The following BNC2 variants were observed in gnomAD, a reference collection of about 807,000 sequenced individuals.
BNC2 encodes zinc finger protein basonuclin-2.
A neutral mutation model predicts 76.3 loss-of-function variants in BNC2; 20 were observed. The ratio of observed to expected loss-of-function variants is 0.26; its 90% CI spans 0.18 to 0.38. The LOEUF is 0.38. BNC2 is among the 10% of genes least tolerant of loss of function. The pLI is 1.00. For missense variants in BNC2, 1,382 were observed against 1,399.8 expected (o/e 0.99, Z 0.20); for synonymous variants, 582 against 514.8 (o/e 1.13, Z -1.77).
At chr9:16,511,162 T>C (rs1173838886) in intron 5 of BNC2, among the ~76,000 whole-genome samples, 1 of 147,016 alleles carries the variant, frequency 6.8e-6, no homozygotes, top group Non-Finnish European at 1.5e-5. Flanking sequence ...CAGGCTGGAG[T>C]GCAGTGGTGC....
intron 1 of BNC2, among the ~76,000 whole-genome samples, chr9:16,748,193 A>C (rs1563925237): frequency 6.6e-6 from 1 of 152,188 alleles, no homozygotes. Flanking sequence ...AATGGGGCTA[A>C]GCTATTGCTA....
At chr9:16,631,610 T>A (rs2133743728) in intron 3 of BNC2, among the ~76,000 whole-genome samples, 1 of 152,360 alleles carries the variant, frequency 6.6e-6, no homozygotes, top group African/African-American at 2.4e-5. Context: ...CTGAGAGGGC[T>A]GGTATGAACA....
chr9:16,683,623 C>T (rs1483280783), intron 3 of BNC2, among the ~76,000 whole-genome samples: 1 of 152,174 alleles, frequency 6.6e-6, no homozygotes, highest in Non-Finnish European at 1.5e-5. Context: ...GACTAGGACA[C>T]ATGACATGGC....
chr9:16,645,767 TTAAA>T (rs1250051213), intron 3 of BNC2, among the ~76,000 whole-genome samples: 1 of 152,204 alleles, frequency 6.6e-6, no homozygotes, highest in Non-Finnish European at 1.5e-5. Flanking sequence ...CTTATAATGG[TTAAA>T]TAGTTTAATA....
intron 4 of BNC2, among the ~76,000 whole-genome samples, chr9:16,574,173 C>A (rs1171969857): frequency 6.6e-6 from 1 of 152,126 alleles, no homozygotes; most frequent in Non-Finnish European, 1.5e-5. Context: ...TTCTGCTTAA[C>A]CTGGTGAACT....
chr9:16,822,776 G>C (rs1818370342), intron 1 of BNC2, among the ~76,000 whole-genome samples: 1 of 152,130 alleles, frequency 6.6e-6, no homozygotes, highest in African/African-American at 2.4e-5. Context: ...AACTATTGTA[G>C]TTCAGAAATT....
At chr9:16,518,577 TA>T (rs751176038) in intron 5 of BNC2, among the ~76,000 whole-genome samples, 9,261 of 80,542 alleles carry the variant, frequency 0.11, 436 homozygotes, top group East Asian at 0.33. Flanking sequence ...TATATATATA[TA>T]TTTTTTGTTG....
At chr9:16,666,906 G>C (rs989192622) in intron 3 of BNC2, among the ~76,000 whole-genome samples, 1 of 151,588 alleles carries the variant, frequency 6.6e-6, no homozygotes, top group Non-Finnish European at 1.5e-5. Context: ...TTTTTTTTCT[G>C]CTTCAGTCTA....
At chr9:16,737,238 C>CTTTTTT (rs559930240) in intron 2 of BNC2, among the ~76,000 whole-genome samples, 65 of 91,302 alleles carry the variant, frequency 7.1e-4, no homozygotes, top group East Asian at 1.4e-3. Context: ...CACACCTGGC[C>CTTTTTT]TTTTTTTTTT....
intron 2 of BNC2, among the ~76,000 whole-genome samples, chr9:16,735,969 C>G (rs1321195883): frequency 6.6e-6 from 1 of 151,826 alleles, no homozygotes; most frequent in Non-Finnish European, 1.5e-5. Flanking sequence ...TGCGGTGGCT[C>G]ACACCTGTAA....
At chr9:16,502,221 A>T (rs1341735107) in intron 5 of BNC2, among the ~76,000 whole-genome samples, 1 of 152,138 alleles carries the variant, frequency 6.6e-6, no homozygotes, top group Non-Finnish European at 1.5e-5. Context: ...AAAATTAGCC[A>T]GACGTGATGG....
At chr9:16,460,542 G>C (rs1339903371) in intron 5 of BNC2, among the ~76,000 whole-genome samples, 1 of 152,128 alleles carries the variant, frequency 6.6e-6, no homozygotes, top group African/African-American at 2.4e-5. Flanking sequence ...AGAATCACTT[G>C]TACTCGGGAG....
intron 3 of BNC2, among the ~76,000 whole-genome samples, chr9:16,697,945 T>A (rs1823386649): frequency 6.6e-6 from 1 of 152,110 alleles, no homozygotes; most frequent in Admixed American, 6.5e-5. Context: ...GTAAAAGCAG[T>A]TTACAGCAAA....
chr9:16,600,780 G>T (rs1176390947), intron 3 of BNC2, among the ~76,000 whole-genome samples: 4 of 152,008 alleles, frequency 2.6e-5, no homozygotes, highest in African/African-American at 9.7e-5. Context: ...AAAGAGCTAG[G>T]GTTATACATG....
chr9:16,711,273 G>C (rs1823838625), intron 3 of BNC2, among the ~76,000 whole-genome samples: 1 of 152,196 alleles, frequency 6.6e-6, no homozygotes, highest in South Asian at 2.1e-4. Context: ...TGGAGGTGGG[G>C]AAGGGGGGGC....
At chr9:16,717,078 G>A (rs1322318751) in intron 3 of BNC2, among the ~76,000 whole-genome samples, 1 of 152,102 alleles carries the variant, frequency 6.6e-6, no homozygotes, top group Non-Finnish European at 1.5e-5. Context: ...ATTTCTTATG[G>A]GAAACATTTT....
intron 3 of BNC2, among the ~76,000 whole-genome samples, chr9:16,655,169 GA>G (rs1340213270): frequency 6.6e-6 from 1 of 151,538 alleles, no homozygotes; most frequent in Non-Finnish European, 1.5e-5. Flanking sequence ...AGTAAAGGAG[GA>G]AAAAACTGGG....
intron 5 of BNC2, among the ~76,000 whole-genome samples, chr9:16,482,061 G>C (rs1276231154): frequency 6.6e-6 from 1 of 152,074 alleles, no homozygotes; most frequent in Non-Finnish European, 1.5e-5. Flanking sequence ...ACTATATGTG[G>C]CACATGCTAA....
At chr9:16,601,980 G>A (rs545644951) in intron 3 of BNC2, among the ~76,000 whole-genome samples, 100 of 152,148 alleles carry the variant, frequency 6.6e-4, no homozygotes, top group African/African-American at 2.3e-3. Context: ...CTACATAATC[G>A]TCAAAGTATG....
Sources: allele counts gnomAD v4.1 joint callset (sites outside exome capture counted in the v4.1 genomes callset), GRCh38; gene constraint gnomAD v4.1.1; transcripts MANE v1.5; gene names NCBI Gene and HGNC (gene_info 2026-07-23, HGNC 2026-07-21).